The following SCN2A variants were observed in gnomAD, a reference collection of about 807,000 sequenced individuals.
SCN2A encodes sodium channel protein type 2 subunit alpha.
A neutral mutation model predicts 188.7 loss-of-function variants in SCN2A; 20 were observed. That is an observed-to-expected ratio of 0.11 (90% confidence interval 0.07 to 0.15). The LOEUF (loss-of-function observed/expected upper bound fraction) is 0.15. Ranked by LOEUF, SCN2A falls within the 10% of genes least tolerant of loss-of-function variation. The pLI is 1.00. For synonymous variants in SCN2A, 804 were observed against 833.1 expected, an observed-to-expected ratio of 0.97 and a Z score of 0.60; for missense variants, 1,278 against 2,445.0, an observed-to-expected ratio of 0.52 and a Z score of 10.07.
At chr2:165,258,081 GC>G in intron 1 of SCN2A, among the ~76,000 whole-genome samples, 1 of 152,142 alleles carries the variant, frequency 6.6e-6, no homozygotes, top group African/African-American at 2.4e-5. Flanking sequence ...TTTGTCAGAT[GC>G]ATAGTTTGCA....
rs200884216 is a variant in SCN2A at position 165,295,905 on chromosome 2, C to T, written c.82C>T (p.Arg28Cys). 3.6e-4 allele frequency: 579 copies of T among 1,613,964 alleles called. 1 individual carries two copies. Among genetic ancestry groups the T allele is most frequent in the Non-Finnish European group, 4.6e-4 (538 of 1,180,038 alleles). ...GGAATCCCTTGCTGCTATTGAACAA[C>T]GCATTGCAGAAGAGAAAGCTAAGAG... ...TRESLAAIEQ[R>C]IAEEKAKRPK... Residue 28 changes from arginine (R) to cysteine (C), a missense_variant, in exon 2 of 27, where the codon CGC becomes TGC. Arg to Cys is a radical substitution (Grantham distance 180). This residue lies in a region of SCN2A where 141 missense variants were observed against 185.4 expected (regional missense o/e 0.76). Coordinates refer to ENST00000375437, the MANE Select transcript of SCN2A (RefSeq NM_001040142.2).
intron 16 of SCN2A, among the ~76,000 whole-genome samples, chr2:165,345,803 T>C (rs1275145727): frequency 2.6e-5 from 4 of 152,180 alleles, no homozygotes; most frequent in Non-Finnish European, 5.9e-5. Context: ...TTTCATAATG[T>C]TGATGGTCTT....
intron 16 of SCN2A, among the ~76,000 whole-genome samples, chr2:165,351,042 T>A (rs1473650310): frequency 6.6e-6 from 1 of 152,126 alleles, no homozygotes; most frequent in Non-Finnish European, 1.5e-5. Context: ...TTCAACAACC[T>A]TGTAAGCTGG....
chr2:165,242,915 G>C, intron 1 of SCN2A, among the ~76,000 whole-genome samples: 1 of 152,218 alleles, frequency 6.6e-6, no homozygotes, highest in East Asian at 1.9e-4. Context: ...TTGTTTGTAA[G>C]ATGAAGTATC....
Position 165,373,095 on chromosome 2 carries a change from A to T in SCN2A, c.3850-130A>T. On this transcript the variant is annotated intron_variant, in intron 20 of 26. Transcript: ENST00000375437. Reference sequence around the variant, plus strand: ...GTCAGACTCTGCTATTGGTGTTTTTAACAAGACCCCTGGGTGATTTTGAAA... The same window carrying T: ...GTCAGACTCTGCTATTGGTGTTTTTTACAAGACCCCTGGGTGATTTTGAAA... 8 of 1,006,376 alleles carry T rather than the reference A, an allele frequency of 7.9e-6. No homozygotes were observed. The South Asian group carries it at 9.3e-5, about 12-fold the overall frequency. The allele number at this position is 1,006,376 out of a possible 1,614,324, so 62.3% of individuals were successfully genotyped here.
intron 16 of SCN2A, among the ~76,000 whole-genome samples, chr2:165,352,055 G>A (rs1370762766): frequency 6.6e-6 from 1 of 151,982 alleles, no homozygotes; most frequent in East Asian, 1.9e-4. Flanking sequence ...AGGATTGATG[G>A]ATGTGTATCA....
chr2:165,265,471 C>CCATATA (rs1553560051), intron 1 of SCN2A, among the ~76,000 whole-genome samples: 2 of 29,016 alleles, frequency 6.9e-5, no homozygotes, highest in Non-Finnish European at 1.3e-4. Context: ...CTCTGTTGAT[C>CCATATA]TATATATATA....
intron 22 of SCN2A, 139 bp from the exon 23 acceptor site, chr2:165,377,458 C>T: frequency 1.5e-6 from 1 of 676,090 alleles, no homozygotes; most frequent in Non-Finnish European, 2.5e-6. Context: ...AAACATTGCC[C>T]CAAAAGTGAA....
chr2:165,317,804 G>C (rs1052161385), intron 11 of SCN2A, among the ~76,000 whole-genome samples: 3 of 151,994 alleles, frequency 2.0e-5, no homozygotes, highest in Non-Finnish European at 4.4e-5. Context: ...TGTTTCTTAA[G>C]CAGTCTCTAT....
chr2:165,328,475 G>T, intron 13 of SCN2A: 2 of 985,800 alleles, frequency 2.0e-6, no homozygotes, highest in Non-Finnish European at 2.4e-6. Flanking sequence ...AGCTGCCAGT[G>T]GTTCTGCTAC....
intron 16 of SCN2A, 44 bp downstream of exon 16, chr2:165,344,955 G>T: frequency 1.2e-6 from 2 of 1,610,674 alleles, no homozygotes; most frequent in Non-Finnish European, 1.7e-6. Context: ...AAAAGATAAT[G>T]TAATCATTAA....
chr2:165,257,954 G>A (rs1487529280), intron 1 of SCN2A, among the ~76,000 whole-genome samples: 1 of 151,900 alleles, frequency 6.6e-6, no homozygotes, highest in Non-Finnish European at 1.5e-5. Context: ...GTCTGCTCAC[G>A]TCCTTTGCCC....
intron 19 of SCN2A, among the ~76,000 whole-genome samples, chr2:165,369,380 G>T (rs1350091732): frequency 6.6e-6 from 1 of 152,126 alleles, no homozygotes; most frequent in Non-Finnish European, 1.5e-5. Context: ...CTCCTCAGGG[G>T]TTTACAGCTT....
intron 1 of SCN2A, among the ~76,000 whole-genome samples, chr2:165,278,023 G>T (rs1418898463): frequency 1.3e-5 from 2 of 152,168 alleles, no homozygotes; most frequent in South Asian, 4.1e-4. Flanking sequence ...TTGAAAAAGT[G>T]AAAGTGTGTA....
In SCN2A at chr2:165,344,706, A is replaced by G; in HGVS notation, c.2714A>G (p.Lys905Arg). ...GTGGTCGGCATGCAGCTCTTTGGTA[A>G]GAGCTACAAAGAATGTGTCTGCAAG... ...FAVVGMQLFGKSYKECVCKIS... is the reference protein window; with the variant it reads ...FAVVGMQLFGRSYKECVCKIS... Residue 905 changes from lysine to arginine, a missense_variant, in exon 16 of 27, where the codon AAG (lysine) becomes AGG (arginine). Lys to Arg is a conservative substitution (Grantham distance 26, BLOSUM62 2). Coordinates refer to ENST00000375437, the MANE Select transcript of SCN2A (RefSeq NM_001040142.2). The G allele has an allele frequency of 6.2e-7, 1 of 1,614,162 alleles. No homozygotes were observed. The highest frequency in any genetic ancestry group is 2.2e-5 in the East Asian group (1 of 44,876).
intron 1 of SCN2A, chr2:165,290,860 A>G (rs951447481): frequency 1.2e-6 from 1 of 819,010 alleles, no homozygotes; most frequent in Non-Finnish European, 1.5e-6. Flanking sequence ...ATATCCCGAT[A>G]TTGATAATGT....
At chr2:165,318,694 G>A (rs930066271) in intron 11 of SCN2A, among the ~76,000 whole-genome samples, 1 of 152,152 alleles carries the variant, frequency 6.6e-6, no homozygotes, top group African/African-American at 2.4e-5. Context: ...GCTGAATGGG[G>A]TACTGGCAGT....
intron 3 of SCN2A, among the ~76,000 whole-genome samples, chr2:165,300,428 G>A (rs748558806): frequency 6.6e-6 from 1 of 152,178 alleles, no homozygotes; most frequent in Admixed American, 6.5e-5. Context: ...TTGGGAGCTA[G>A]TGATAAGTGT....
At chr2:165,287,855 G>A (rs1248912355) in intron 1 of SCN2A, among the ~76,000 whole-genome samples, 1 of 152,142 alleles carries the variant, frequency 6.6e-6, no homozygotes, top group African/African-American at 2.4e-5. Context: ...CTGCAAAGCT[G>A]GGATGTTTTT....
Sources: allele counts gnomAD v4.1 joint callset (sites outside exome capture counted in the v4.1 genomes callset), GRCh38; gene constraint gnomAD v4.1.1; regional missense constraint gnomAD v4.1.1; transcripts MANE v1.5; gene names NCBI Gene and HGNC (gene_info 2026-07-23, HGNC 2026-07-21).